PCDHGA9: variants seen among roughly 807,000 people sequenced by gnomAD.
PCDHGA9 encodes the protein protocadherin gamma subfamily A, 9.
Under a neutral mutation model 62.5 loss-of-function variants are expected in PCDHGA9, and 37 were observed. The observed-to-expected ratio is 0.59, with a 90% CI of 0.46 to 0.78. The LOEUF is 0.78. Among genes scored for constraint, PCDHGA9 ranks in the 30% least tolerant of loss-of-function variants. The probability of loss-of-function intolerance (pLI) is 0.00; values close to 1 mark genes in which losing one functional copy is unlikely to be tolerated. For missense variants in PCDHGA9, 1,138 were observed against 1,166.2 expected, an observed-to-expected ratio of 0.98 and a Z score of 0.35; for synonymous variants, 459 against 484.6, an observed-to-expected ratio of 0.95 and a Z score of 0.69.
intron 1 of PCDHGA9, chr5:141,412,667 AC>A (rs1385712050): frequency 6.6e-6 from 1 of 152,284 alleles, no homozygotes; most frequent in Non-Finnish European, 1.5e-5. Flanking sequence ...CACTAATATG[AC>A]CTAAAATAAG....
At chr5:141,424,628 A>C (rs962512805) in intron 1 of PCDHGA9, 3 of 152,348 alleles carry the variant, frequency 2.0e-5, no homozygotes, top group African/African-American at 7.2e-5. Flanking sequence ...GTTTGTGAAT[A>C]TATAAATAGA....
chr5:141,456,321 G>A (rs2098849819), intron 1 of PCDHGA9, among the ~76,000 whole-genome samples: 1 of 152,154 alleles, frequency 6.6e-6, no homozygotes, highest in African/African-American at 2.4e-5. Context: ...GGCTCCTCCT[G>A]GGGTTGATCT....
chr5:141,499,689 C>CTTTT (rs545067566), intron 2 of PCDHGA9, among the ~76,000 whole-genome samples: 17 of 119,848 alleles, frequency 1.4e-4, no homozygotes, highest in East Asian at 2.4e-4. Context: ...TAACAGATGA[C>CTTTT]TTTTTTTTTT....
intron 2 of PCDHGA9, 107 bp from the exon 3 acceptor site, chr5:141,505,286 A>T: frequency 3.2e-6 from 5 of 1,551,278 alleles, no homozygotes; most frequent in Non-Finnish European, 4.4e-6. Flanking sequence ...GGTCTTGGGC[A>T]TGGGGTAGGG....
At chr5:141,478,287 G>C (rs777542913) in intron 1 of PCDHGA9, 1 of 1,614,154 alleles carries the variant, frequency 6.2e-7, no homozygotes, top group South Asian at 1.1e-5. Context: ...AAGCAGTCTA[G>C]AGACCTATAC....
At position 141,432,952 on chromosome 5, in the gene PCDHGA9, C is replaced by G. The variant is rs2097553312; in HGVS notation, c.2424+27576C>G. ...GCCTGCTGCAGGCTTCAGGAGGCGGCTTGACAGGAGCGCCGGCGTCGCACT... is the reference window on the plus strand; with the variant it reads ...GCCTGCTGCAGGCTTCAGGAGGCGGGTTGACAGGAGCGCCGGCGTCGCACT... On this transcript the variant is annotated intron_variant, in intron 1 of 3. Transcript: ENST00000573521. The surrounding 1 kb of genome is among the most constrained non-coding windows in gnomAD (Gnocchi z 6.0). 1 of 1,614,086 alleles carries G rather than the reference C, an allele frequency of 6.2e-7. No individual in the cohort carries two copies. Among genetic ancestry groups the G allele is most frequent in the South Asian group, 1.1e-5 (1 of 91,090 alleles).
At chr5:141,454,666 A>G (rs1561955978) in intron 1 of PCDHGA9, among the ~76,000 whole-genome samples, 1 of 152,104 alleles carries the variant, frequency 6.6e-6, no homozygotes, top group Non-Finnish European at 1.5e-5. Context: ...TCGGCCTCCC[A>G]AAACACTGGG....
intron 1 of PCDHGA9, chr5:141,423,261 C>T (rs1181343306): frequency 6.2e-7 from 1 of 1,613,870 alleles, no homozygotes; most frequent in Non-Finnish European, 8.5e-7. Flanking sequence ...ACCTCGGCAG[C>T]CTCGAGTCTC....
chr5:141,421,933 G>A (rs1310432014), intron 1 of PCDHGA9: 1 of 1,613,446 alleles, frequency 6.2e-7, no homozygotes, highest in Non-Finnish European at 8.5e-7. Flanking sequence ...GGTCCTCGAT[G>A]TAAATGATCA....
Position 141,421,937 on chromosome 5 carries a change from A to G in PCDHGA9, c.2424+16561A>G, listed in dbSNP as rs375878901. The G allele has an allele frequency of 1.5e-5, 25 of 1,613,402 alleles. No homozygotes were observed. In the African/African-American group the frequency reaches 1.6e-4, roughly 10 times the overall value. ...ATTCGTGTGGTGGTCCTCGATGTAA[A>G]TGATCACATCCCAATGTTTACACAG... On this transcript the variant is annotated intron_variant, in intron 1 of 3. Coordinates refer to ENST00000573521, the MANE Select transcript of PCDHGA9 (RefSeq NM_018921.3).
rs1167791830 is a variant in PCDHGA9 at position 141,420,032 on chromosome 5, G to A, written c.2424+14656G>A. 6.2e-7 allele frequency: 1 copy of A among 1,613,956 alleles called. No individual in the cohort carries two copies. Among genetic ancestry groups the A allele is most frequent in the Non-Finnish European group, 8.5e-7 (1 of 1,179,920 alleles). ...ACAGTCTTTCAGCCCTACTGCAGGA[G>A]ACTGCTTTGAGTCAGTTCTCTGCTC... On this transcript the variant is annotated intron_variant, in intron 1 of 3. Coordinates refer to ENST00000573521, the MANE Select transcript of PCDHGA9 (RefSeq NM_018921.3).
intron 1 of PCDHGA9, chr5:141,418,445 T>C (rs2154547687): frequency 2.5e-6 from 4 of 1,614,038 alleles, no homozygotes; most frequent in East Asian, 2.2e-5. Context: ...AGAATTAGTA[T>C]TGCAGAAGAC....
chr5:141,480,429 T>C (rs72790066), intron 1 of PCDHGA9, among the ~76,000 whole-genome samples: 4 of 151,864 alleles, frequency 2.6e-5, no homozygotes, highest in African/African-American at 9.7e-5. Flanking sequence ...AAAAAAATTA[T>C]CAGCTATTAC....
rs545261528 is a variant in PCDHGA9 at position 141,404,038 on chromosome 5, G to C, written c.1086G>C (p.Gln362His). 4.3e-6 allele frequency: 7 copies of C among 1,613,858 alleles called. No individual in the cohort carries two copies. The African/African-American group carries it at 8.0e-5, about 18-fold the overall frequency. ...LFSPVREDAPQGTVILLFNAH... is the reference protein window; with the variant it reads ...LFSPVREDAPHGTVILLFNAH... ...GCCCAGTGAGAGAAGACGCACCTCA[G>C]GGAACAGTAATTCTTCTTTTCAATG... Residue 362 changes from glutamine (Q) to histidine (H), a missense_variant, in exon 1 of 4, where the codon CAG becomes CAC. Physicochemically the swap from Gln to His is conservative, Grantham distance 24 (BLOSUM62 0). Coordinates refer to ENST00000573521, the MANE Select transcript of PCDHGA9 (RefSeq NM_018921.3).
intron 1 of PCDHGA9, among the ~76,000 whole-genome samples, chr5:141,433,497 C>G (rs2097615154): frequency 6.6e-6 from 1 of 152,076 alleles, no homozygotes; most frequent in Non-Finnish European, 1.5e-5. Flanking sequence ...CCCTCCCAAA[C>G]TGCTGGGATT....
At position 141,404,691 on chromosome 5, in the gene PCDHGA9, G is replaced by A. The variant is rs200601931; in HGVS notation, c.1739G>A (p.Arg580His). ...DGSTGVELAPRSAEPGYLVTK... is the reference protein window; with the variant it reads ...DGSTGVELAPHSAEPGYLVTK... ...TCTACTGGTGTGGAGCTGGCACCCC[G>A]CTCTGCAGAGCCTGGCTACCTGGTG... is the stretch of plus-strand genomic sequence containing the variant. The change falls in exon 1 of 4, where the codon CGC becomes CAC. Residue 580 changes from arginine to histidine, a missense_variant. Transcript: ENST00000573521. 1.4e-5 allele frequency: 22 copies of A among 1,613,996 alleles called. No individual in the cohort carries two copies. The East Asian group carries it at 3.8e-4, about 28-fold the overall frequency.
At chr5:141,498,346 C>T (rs780832000) in intron 2 of PCDHGA9, among the ~76,000 whole-genome samples, 1 of 150,796 alleles carries the variant, frequency 6.6e-6, no homozygotes, top group Non-Finnish European at 1.5e-5. Context: ...ATGGGAAAAG[C>T]CTATGCAAAA....
At chr5:141,410,029 G>T (rs2095350230) in intron 1 of PCDHGA9, 15 of 1,613,274 alleles carry the variant, frequency 9.3e-6, no homozygotes, top group Non-Finnish European at 1.3e-5. Context: ...ACCACGTGCT[G>T]CAGGCCAGTG....
chr5:141,472,263 C>T (rs978647191), intron 1 of PCDHGA9, among the ~76,000 whole-genome samples: 7 of 152,144 alleles, frequency 4.6e-5, no homozygotes, highest in South Asian at 2.1e-4. Flanking sequence ...ATATTATAGC[C>T]GGGCACAGTG....
Sources: gnomAD v4.1 joint callset for allele counts (sites outside exome capture counted in the v4.1 genomes callset) on GRCh38, gnomAD v4.1.1 for gene constraint, Gnocchi (gnomAD v3.1) non-coding constraint, MANE v1.5 for transcripts, NCBI Gene and HGNC (gene_info 2026-07-23, HGNC 2026-07-21) for gene names.